Variants in PIK3C2G observed in about 807,000 individuals in gnomAD.
PIK3C2G encodes phosphatidylinositol-4-phosphate 3-kinase catalytic subunit type 2 gamma, also known as phosphatidylinositol 3-kinase C2 domain-containing subunit gamma.
In PIK3C2G, 168 loss-of-function variants were observed where a neutral mutation model predicts 181.1. That is an observed-to-expected ratio of 0.93 (90% CI 0.82 to 1.05). The LOEUF (loss-of-function observed/expected upper bound fraction) is 1.05, where lower values mean the gene tolerates loss of function less well. Among genes scored for constraint, PIK3C2G ranks in the 50% least tolerant of loss-of-function variants. The pLI is 0.00. For synonymous variants in PIK3C2G, 573 were observed against 592.2 expected (o/e 0.97, Z 0.47); for missense variants, 1,869 against 1,732.8 (o/e 1.08, Z -1.40).
At chr12:18,307,695 T>C (rs527780957) in intron 5 of PIK3C2G, among the ~76,000 whole-genome samples, 5 of 152,002 alleles carry the variant, frequency 3.3e-5, no homozygotes, top group African/African-American at 9.6e-5. Context: ...AACTCTCAAA[T>C]AAAAATTCAT....
chr12:18,399,699 T>G lies in PIK3C2G; in HGVS notation c.2167T>G (p.Phe723Val), dbSNP rs753790704. 2 of 1,597,352 alleles carry G rather than the reference T, an allele frequency of 1.3e-6. No individual in the cohort carries two copies. Among genetic ancestry groups the G allele is most frequent in the Non-Finnish European group, 1.7e-6 (2 of 1,168,542 alleles). The change falls in exon 16 of 33, where the codon TTC becomes GTC. Residue 723 changes from phenylalanine to valine, a missense_variant. Transcript: ENST00000538779. ...GAAAAGATATTTATGGTTTTATCGC[T>G]TCTACTGCAATAATGAAAACTGCTC... ...EKKRYLWFYR[F>V]YCNNENCSLP...
chr12:18,491,820 T>C (rs1001806797), intron 20 of PIK3C2G, among the ~76,000 whole-genome samples: 3 of 151,342 alleles, frequency 2.0e-5, no homozygotes, highest in Non-Finnish European at 4.4e-5. Flanking sequence ...TAGAGGAACA[T>C]AGAGGAACAT....
chr12:18,596,761 T>C (rs1947386028), intron 30 of PIK3C2G, among the ~76,000 whole-genome samples: 2 of 152,100 alleles, frequency 1.3e-5, no homozygotes, highest in Non-Finnish European at 1.5e-5. Context: ...CCATGCCATC[T>C]ACATGCCAGG....
At chr12:18,344,243 C>G (rs1409265450) in intron 10 of PIK3C2G, among the ~76,000 whole-genome samples, 2 of 152,050 alleles carry the variant, frequency 1.3e-5, no homozygotes, top group Non-Finnish European at 2.9e-5. Context: ...CAAATGAAAA[C>G]CTAACCTGCC....
intron 26 of PIK3C2G, among the ~76,000 whole-genome samples, chr12:18,559,821 T>TATATAG (rs1945244509): frequency 5.4e-5 from 1 of 18,372 alleles, no homozygotes; most frequent in Non-Finnish European, 9.6e-5. Context: ...TATATATATA[T>TATATAG]AGAGAGAGAG....
At chr12:18,532,951 G>A (rs1004465744) in intron 24 of PIK3C2G, among the ~76,000 whole-genome samples, 1 of 143,700 alleles carries the variant, frequency 7.0e-6, no homozygotes, top group Admixed American at 7.2e-5. Context: ...TGAATTGCCT[G>A]CTTTAGCAGC....
intron 31 of PIK3C2G, among the ~76,000 whole-genome samples, chr12:18,636,494 G>A (rs530792568): frequency 2.6e-5 from 4 of 152,246 alleles, no homozygotes; most frequent in Admixed American, 6.5e-5. Context: ...GCCTCCCAAA[G>A]TGCTGGGATT....
intron 18 of PIK3C2G, among the ~76,000 whole-genome samples, chr12:18,437,715 TA>T (rs1451495748): frequency 2.0e-5 from 3 of 151,950 alleles, no homozygotes; most frequent in Non-Finnish European, 4.4e-5. Context: ...AATTTATGAT[TA>T]TTTTTAAAGA....
intron 29 of PIK3C2G, among the ~76,000 whole-genome samples, chr12:18,570,949 A>G (rs945026607): frequency 6.6e-6 from 1 of 150,948 alleles, no homozygotes; most frequent in East Asian, 1.9e-4. Flanking sequence ...CGGCAAAGGA[A>G]AATTATAGAG....
Position 18,625,708 on chromosome 12 carries a change from T to C in PIK3C2G, c.4183-14721T>C, listed in dbSNP as rs146378883. On this transcript the variant is annotated intron_variant, in intron 31 of 32. Transcript: ENST00000538779. ...TTTATACATATAGCTCTTCCACTGTTAGAAGCATATATATTTAAAAGTGCT... is the reference window on the plus strand; with the variant it reads ...TTTATACATATAGCTCTTCCACTGTCAGAAGCATATATATTTAAAAGTGCT... Among the ~76,000 whole-genome samples, 101 of 152,024 alleles carry C rather than the reference T, an allele frequency of 6.6e-4. 1 individual carries two copies. The East Asian group carries it at 0.015, about 22-fold the overall frequency.
intron 18 of PIK3C2G, among the ~76,000 whole-genome samples, chr12:18,451,930 C>G (rs999188580): frequency 2.0e-5 from 3 of 152,134 alleles, no homozygotes; most frequent in Admixed American, 2.0e-4. Context: ...CCAACTTGAT[C>G]GTAGTGGATA....
intron 18 of PIK3C2G, among the ~76,000 whole-genome samples, chr12:18,458,180 G>C (rs1947730056): frequency 1.3e-5 from 2 of 152,116 alleles, no homozygotes; most frequent in Admixed American, 1.3e-4. Flanking sequence ...GGATAGGCCA[G>C]TTAGGTCTTC....
In PIK3C2G at chr12:18,648,127, C is replaced by A; in HGVS notation, c.*99C>A. 1 of 636,042 alleles carries A rather than the reference C, an allele frequency of 1.6e-6. No homozygotes were observed. Among genetic ancestry groups the A allele is most frequent in the Non-Finnish European group, 2.5e-6 (1 of 396,248 alleles). 39.4% of individuals were successfully genotyped at this position (636,042 alleles called of 1,614,324 possible). A position where few individuals can be genotyped will look rare whatever the true frequency, so the allele number is the denominator to read the frequency against. The stretch of plus-strand genomic sequence containing the variant: ...AGTAAGGCATCTTTGTTGTCAAAGA[C>A]AGCACAGGGTATTAAGGACACAGAA... On this transcript the variant is annotated 3_prime_UTR_variant, in exon 33 of 33. Coordinates refer to ENST00000538779, the MANE Select transcript of PIK3C2G (RefSeq NM_001288772.2).
At chr12:18,255,754 G>A (rs1420861673) in intron 1 of PIK3C2G, among the ~76,000 whole-genome samples, 1 of 152,088 alleles carries the variant, frequency 6.6e-6, no homozygotes, top group Admixed American at 6.6e-5. Context: ...GAAAGAAGAC[G>A]GTAAAAAATA....
At chr12:18,295,294 A>C (rs950442907) in intron 5 of PIK3C2G, among the ~76,000 whole-genome samples, 1 of 151,952 alleles carries the variant, frequency 6.6e-6, no homozygotes, top group East Asian at 1.9e-4. Flanking sequence ...TCCAATGAGC[A>C]CAGGAAAGCA....
At chr12:18,563,696 A>C (rs1454063035) in intron 28 of PIK3C2G, among the ~76,000 whole-genome samples, 198 bp downstream of exon 28, 1 of 152,172 alleles carries the variant, frequency 6.6e-6, no homozygotes, top group African/African-American at 2.4e-5. Flanking sequence ...CAAGATTTGC[A>C]ATTTTCTTTT....
chr12:18,314,479 C>G (rs1459300890), intron 6 of PIK3C2G: 2 of 155,274 alleles, frequency 1.3e-5, no homozygotes, highest in Non-Finnish European at 2.8e-5. Flanking sequence ...TTCTCCCTCC[C>G]TCTCCCTCTC....
intron 15 of PIK3C2G, among the ~76,000 whole-genome samples, chr12:18,392,810 T>G (rs2138063635): frequency 6.6e-6 from 1 of 152,256 alleles, no homozygotes; most frequent in East Asian, 1.9e-4. Context: ...GATAACAATG[T>G]GTGTGAATAA....
chr12:18,294,624 T>C (rs1949854645), intron 5 of PIK3C2G, among the ~76,000 whole-genome samples: 1 of 152,006 alleles, frequency 6.6e-6, no homozygotes, highest in African/African-American at 2.4e-5. Flanking sequence ...AAAAAAATCA[T>C]CTTTTAGTTT....
Sources: gnomAD v4.1 joint callset for allele counts (sites outside exome capture counted in the v4.1 genomes callset) on GRCh38, gnomAD v4.1.1 for gene constraint, MANE v1.5 for transcripts, NCBI Gene and HGNC (gene_info 2026-07-23, HGNC 2026-07-21) for gene names.